The following STK32C variants were observed in gnomAD, a reference collection of about 807,000 sequenced individuals.
The protein encoded by STK32C is serine/threonine kinase 32C.
A neutral mutation model predicts 56.5 loss-of-function variants in STK32C; 31 were observed. That is an observed-to-expected ratio of 0.55 (90% CI 0.41 to 0.74). STK32C has a LOEUF of 0.74. Ranked by LOEUF, STK32C falls within the 30% of genes least tolerant of loss-of-function variation. The probability of loss-of-function intolerance (pLI) is 0.00; values close to 1 mark genes in which losing one functional copy is unlikely to be tolerated. For synonymous variants in STK32C, 309 were observed against 289.4 expected, an observed-to-expected ratio of 1.07 and a Z score of -0.69; for missense variants, 544 against 676.9, an observed-to-expected ratio of 0.80 and a Z score of 2.18.
intron 10 of STK32C, among the ~76,000 whole-genome samples, chr10:132,210,101 G>A (rs898409865): frequency 3.9e-5 from 6 of 152,212 alleles, no homozygotes; most frequent in Admixed American, 1.3e-4. Context: ...CCCCCCATGC[G>A]ATTGGCCAGT....
rs540470419 is a variant in STK32C at position 132,243,967 on chromosome 10, GCC to G, written c.318+1931_318+1932del. Among the ~76,000 whole-genome samples the G allele has an allele frequency of 1.6e-4, 24 of 152,334 alleles. No individual in the cohort carries two copies. In the East Asian group the frequency reaches 4.3e-3, roughly 27 times the overall value. On this transcript the variant is annotated intron_variant, in intron 2 of 11. Transcript: ENST00000298630. ...CTGCAGGGAAACAGGGGTGGCTGGGGCCCCTGCTGCTGCAGCCCCTCTGAACT... is the reference window on the plus strand; with the variant it reads ...CTGCAGGGAAACAGGGGTGGCTGGGGCCTGCTGCTGCAGCCCCTCTGAACT...
intron 1 of STK32C, among the ~76,000 whole-genome samples, chr10:132,256,093 T>A (rs984638033): frequency 1.5e-4 from 23 of 152,318 alleles, no homozygotes; most frequent in Admixed American, 1.2e-3. Context: ...TCTGGGAACA[T>A]ACCCTGTGCC....
In STK32C at chr10:132,226,958, G is replaced by C. The variant is rs757229061; in HGVS notation, c.481C>G (p.Gln161Glu). The change falls in exon 4 of 12, where the codon CAG (glutamine) becomes GAG (glutamate). Residue 161 changes from glutamine to glutamate, a missense_variant. Physicochemically the swap from Gln to Glu is conservative, Grantham distance 29 (BLOSUM62 2). Around this residue, in one of 3 missense-constraint regions of STK32C, gnomAD observed 85 missense variants for 149.9 expected, o/e 0.57. Coordinates refer to ENST00000298630, the MANE Select transcript of STK32C (RefSeq NM_173575.4). ...VFLVNLWYSF[Q>E]DEEDMFMVVD... ...ACCATGAACATGTCCTCCTCGTCCTGGAAGGAGTACCTGTGGGCACCGATG... is the reference window on the plus strand; with the variant it reads ...ACCATGAACATGTCCTCCTCGTCCTCGAAGGAGTACCTGTGGGCACCGATG... The C allele has an allele frequency of 6.2e-7, 1 of 1,613,276 alleles. No individual in the cohort carries two copies. The highest frequency in any genetic ancestry group is 8.5e-7 in the Non-Finnish European group (1 of 1,180,006).
At chr10:132,328,320 G>A (rs1005978439) in intron 1 of STK32C, among the ~76,000 whole-genome samples, 5 of 152,018 alleles carry the variant, frequency 3.3e-5, no homozygotes, top group Admixed American at 1.3e-4. Context: ...GTGGGTGCCC[G>A]AACTGCCGGA....
intron 1 of STK32C, among the ~76,000 whole-genome samples, chr10:132,295,756 C>T (rs1025553330): frequency 3.3e-5 from 5 of 151,988 alleles, no homozygotes; most frequent in East Asian, 3.9e-4. Flanking sequence ...TGGTGGCGCA[C>T]GCCTGTAATC....
intron 2 of STK32C, among the ~76,000 whole-genome samples, chr10:132,232,554 G>A (rs773279952): frequency 9.2e-5 from 14 of 152,234 alleles, no homozygotes; most frequent in Middle Eastern, 6.8e-3. Flanking sequence ...AGGCAGGTCC[G>A]ACTCAAACGC....
chr10:132,282,246 G>A (rs570942440), intron 1 of STK32C, among the ~76,000 whole-genome samples: 17 of 152,320 alleles, frequency 1.1e-4, no homozygotes, highest in South Asian at 1.0e-3. Flanking sequence ...CGCCCACCCC[G>A]GCTCTCACAG....
rs1404630002 is a variant in STK32C, at chr10:132,307,790, G to C, written c.44C>G (p.Ser15Cys). The C allele has an allele frequency of 1.0e-6, 1 of 994,758 alleles. No individual in the cohort carries two copies. Among genetic ancestry groups the C allele is most frequent in the African/African-American group, 1.8e-5 (1 of 56,806 alleles). The allele number at this position is 994,758 out of a possible 1,614,324, so 61.6% of individuals were successfully genotyped here. ...GCGGCCGGGGGGCGGCGAGCCCGGGGACGCCGCGGCGCTGCTGCCCCTGCG... is the reference window on the plus strand; with the variant it reads ...GCGGCCGGGGGGCGGCGAGCCCGGGCACGCCGCGGCGCTGCTGCCCCTGCG... ...AERRGSSAAA[S>C]PGSPPPGRAR... is the part of the protein sequence containing the mutation. The change falls in exon 1 of 12, where the codon TCC becomes TGC. Residue 15 changes from serine (S) to cysteine (C), a missense_variant. Ser to Cys is a moderately radical substitution (Grantham distance 112). Coordinates refer to ENST00000298630, the MANE Select transcript of STK32C (RefSeq NM_173575.4). This position sits in a 1 kb window ranked among gnomAD's most constrained non-coding sequence, Gnocchi z 4.4.
chr10:132,242,488 G>C (rs1043616050), intron 2 of STK32C, among the ~76,000 whole-genome samples: 15 of 152,120 alleles, frequency 9.9e-5, no homozygotes, highest in Admixed American at 2.0e-4. Flanking sequence ...AAGAGGAACT[G>C]CCAGCACAGC....
At chr10:132,331,868 C>T (rs370554432), upstream of STK32C, 235 of 1,298,284 alleles carry the variant, frequency 1.8e-4, no homozygotes, top group African/African-American at 3.0e-3. Flanking sequence ...TGGCCGCGTG[C>T]GTGCGCAGGC....
In STK32C at chr10:132,267,828, T is replaced by TCGGTGCGTGTG. The variant is rs1204059375; in HGVS notation, c.263-21874_263-21873insCACACGCACCG. 1.4e-3 allele frequency among the ~76,000 whole-genome samples: 194 copies of TCGGTGCGTGTG among 134,930 alleles called. 76 individuals carry two copies. The highest frequency in any genetic ancestry group is 2.3e-3 in the Non-Finnish European group (147 of 63,234). 88.5% of individuals were successfully genotyped at this position (134,930 alleles called of 152,430 possible). A position where few individuals can be genotyped will look rare whatever the true frequency, so the allele number is the denominator to read the frequency against. On this transcript the variant is annotated intron_variant, in intron 1 of 11. Transcript: ENST00000298630. Reference sequence around the variant, plus strand: ...ATGTCCCACATCGTGTGTGTGTGTGTCAGTGCGTGTGCATGCATGTGTATG... The same window carrying TCGGTGCGTGTG: ...ATGTCCCACATCGTGTGTGTGTGTGTCGGTGCGTGTGCAGTGCGTGTGCATGCATGTGTATG...
At chr10:132,208,366 G>GT (rs2062171390) in intron 11 of STK32C, among the ~76,000 whole-genome samples, 1 of 152,024 alleles carries the variant, frequency 6.6e-6, no homozygotes, top group South Asian at 2.1e-4. Context: ...GAGGCTCGGC[G>GT]TGTTTCCAGC....
upstream of STK32C, chr10:132,331,866 T>G: frequency 7.4e-7 from 1 of 1,347,408 alleles, no homozygotes; most frequent in Non-Finnish European, 1.0e-6. Context: ...GTTGGCCGCG[T>G]GCGTGCGCAG....
At chr10:132,215,003 A>T (rs2062425974) in intron 10 of STK32C, among the ~76,000 whole-genome samples, 1 of 152,252 alleles carries the variant, frequency 6.6e-6, no homozygotes, top group South Asian at 2.1e-4. Context: ...TAGATATCAT[A>T]TTGAACTATA....
At chr10:132,209,673 G>A (rs1590122274) in intron 10 of STK32C, among the ~76,000 whole-genome samples, 1 of 151,910 alleles carries the variant, frequency 6.6e-6, no homozygotes, top group Admixed American at 6.6e-5. Context: ...GGGGTCGGGG[G>A]AGGGCGTGGG....
chr10:132,221,465 C>T (rs547754499), intron 10 of STK32C, among the ~76,000 whole-genome samples: 1 of 138,194 alleles, frequency 7.2e-6, no homozygotes, highest in Admixed American at 7.4e-5. Context: ...CAACTGACAT[C>T]AACGCACCTG....
intron 1 of STK32C, among the ~76,000 whole-genome samples, chr10:132,292,380 G>A (rs1315805937): frequency 1.3e-5 from 2 of 152,142 alleles, no homozygotes; most frequent in Non-Finnish European, 2.9e-5. Context: ...CTCACCACAT[G>A]CATATTGATA....
At position 132,225,313 on chromosome 10, in the gene STK32C, C is replaced by T. The variant is rs148669059; in HGVS notation, c.796G>A (p.Val266Ile). 3.8e-4 allele frequency: 613 copies of T among 1,611,900 alleles called. 3 individuals are homozygous for T. The African/African-American group carries it at 7.0e-3, about 19-fold the overall frequency. ...AAGGAGTAGCCGGTCCCGCCGTTGA[C>T]AAAAGAGTGGAAGATCTCCGGAGCT... is the stretch of plus-strand genomic sequence containing the variant. The part of the protein sequence containing the change: ...YMAPEIFHSF[V>I]NGGTGYSFEV... Residue 266 changes from valine to isoleucine, a missense_variant, in exon 7 of 12, where the codon GTC becomes ATC. Around this residue, in one of 3 missense-constraint regions of STK32C, gnomAD observed 277 missense variants for 309.3 expected, o/e 0.90. Transcript: ENST00000298630.
chr10:132,210,616 A>T (rs146859378), intron 10 of STK32C, among the ~76,000 whole-genome samples: 181 of 152,296 alleles, frequency 1.2e-3, no homozygotes, highest in African/African-American at 3.9e-3. Flanking sequence ...CCACGAACAG[A>T]GTGTGGGAGA....
Sources: gnomAD v4.1 joint callset for allele counts (sites outside exome capture counted in the v4.1 genomes callset) on GRCh38, gnomAD v4.1.1 for gene constraint, gnomAD v4.1.1 regional missense constraint, Gnocchi (gnomAD v3.1) non-coding constraint, MANE v1.5 for transcripts, NCBI Gene and HGNC (gene_info 2026-07-23, HGNC 2026-07-21) for gene names.